The following ADGRL3 variants were observed in gnomAD, a reference collection of about 807,000 sequenced individuals.
ADGRL3 encodes calcium-independent alpha-latrotoxin receptor 3.
In ADGRL3, 62 loss-of-function variants were observed where a neutral mutation model predicts 153.5. The observed-to-expected ratio is 0.40, with a 90% confidence interval of 0.33 to 0.50. The LOEUF (loss-of-function observed/expected upper bound fraction) is 0.50. Among genes scored for constraint, ADGRL3 ranks in the 20% least tolerant of loss-of-function variants. The pLI is 0.47. For synonymous variants in ADGRL3, 710 were observed against 672.5 expected (o/e 1.06, Z -0.86); for missense variants, 1,641 against 1,859.4 (o/e 0.88, Z 2.16).
At chr4:61,334,734 AT>A (rs1315511473) in intron 1 of ADGRL3, among the ~76,000 whole-genome samples, 2 of 152,098 alleles carry the variant, frequency 1.3e-5, no homozygotes, top group East Asian at 3.8e-4. Context: ...TATAATATAT[AT>A]TTTAAAGACT....
intron 1 of ADGRL3, among the ~76,000 whole-genome samples, chr4:61,253,780 A>G (rs752267288): frequency 1.3e-5 from 2 of 152,042 alleles, no homozygotes; most frequent in African/African-American, 2.4e-5. Flanking sequence ...TTGTATTACA[A>G]ATTTATTTCT....
intron 21 of ADGRL3, among the ~76,000 whole-genome samples, chr4:62,027,035 C>T (rs1719047745): frequency 1.3e-5 from 2 of 151,962 alleles, no homozygotes; most frequent in Non-Finnish European, 2.9e-5. Flanking sequence ...CTTTTCTTGA[C>T]ATTGTACTAT....
intron 6 of ADGRL3, among the ~76,000 whole-genome samples, chr4:61,716,425 C>A (rs1319928471): frequency 6.6e-6 from 1 of 152,048 alleles, no homozygotes; most frequent in Non-Finnish European, 1.5e-5. Flanking sequence ...TTGAAGTTTG[C>A]AAGATAAATA....
intron 8 of ADGRL3, among the ~76,000 whole-genome samples, chr4:61,799,883 A>T (rs192352551): frequency 1.8e-4 from 28 of 152,298 alleles, no homozygotes; most frequent in East Asian, 5.8e-4. Context: ...TTAAAAAAAA[A>T]ATATCCTCAC....
chr4:61,463,363 A>C (rs891340716), intron 2 of ADGRL3, among the ~76,000 whole-genome samples: 1 of 152,192 alleles, frequency 6.6e-6, no homozygotes, highest in African/African-American at 2.4e-5. Context: ...TCATGGCAGA[A>C]GGCGAAGGGG....
intron 4 of ADGRL3, among the ~76,000 whole-genome samples, chr4:61,531,305 C>T (rs942938007): frequency 6.6e-6 from 1 of 152,126 alleles, no homozygotes; most frequent in Non-Finnish European, 1.5e-5. Context: ...CTGTTTTCGC[C>T]TAGTCTAACT....
intron 4 of ADGRL3, among the ~76,000 whole-genome samples, chr4:61,566,467 AG>A (rs2098816689): frequency 6.6e-6 from 1 of 152,210 alleles, no homozygotes; most frequent in African/African-American, 2.4e-5. Flanking sequence ...AACACATAAC[AG>A]GAGGGAAAGG....
intron 9 of ADGRL3, among the ~76,000 whole-genome samples, chr4:61,838,252 A>G (rs2097967585): frequency 6.6e-6 from 1 of 152,166 alleles, no homozygotes; most frequent in Non-Finnish European, 1.5e-5. Flanking sequence ...ATATAAAGAT[A>G]AAAATCAAAT....
chr4:61,608,291 A>G (rs751687191), intron 5 of ADGRL3, among the ~76,000 whole-genome samples: 1 of 152,208 alleles, frequency 6.6e-6, no homozygotes, highest in South Asian at 2.1e-4. Context: ...AACATCTAAC[A>G]ATGCTGTTAG....
At chr4:61,524,252 G>A (rs2098547107) in intron 4 of ADGRL3, among the ~76,000 whole-genome samples, 1 of 152,044 alleles carries the variant, frequency 6.6e-6, no homozygotes, top group Non-Finnish European at 1.5e-5. Context: ...AAAAGAAAGG[G>A]CAAGTCAGAT....
At chr4:61,783,473 G>C (rs2097239774) in intron 8 of ADGRL3, among the ~76,000 whole-genome samples, 2 of 152,104 alleles carry the variant, frequency 1.3e-5, no homozygotes, top group Non-Finnish European at 2.9e-5. Flanking sequence ...AGTTAGATTG[G>C]TGATAGGAAA....
chr4:61,616,217 A>G (rs1456805048), intron 5 of ADGRL3, among the ~76,000 whole-genome samples: 2 of 152,198 alleles, frequency 1.3e-5, no homozygotes, highest in African/African-American at 4.8e-5. Context: ...ACTTAGGGAT[A>G]TGTTATTGGA....
intron 17 of ADGRL3, among the ~76,000 whole-genome samples, chr4:61,957,922 C>T (rs2098973596): frequency 6.6e-6 from 1 of 151,920 alleles, no homozygotes; most frequent in Admixed American, 6.6e-5. Flanking sequence ...CTCTTGCTTT[C>T]TATAAAAAAA....
chr4:61,512,438 G>A (rs1028991952), intron 3 of ADGRL3, among the ~76,000 whole-genome samples: 2 of 151,884 alleles, frequency 1.3e-5, no homozygotes, highest in African/African-American at 4.8e-5. Context: ...TCGTCCATAG[G>A]CATTTTTATA....
intron 1 of ADGRL3, among the ~76,000 whole-genome samples, chr4:61,236,162 A>G (rs1225516483): frequency 6.6e-6 from 1 of 151,724 alleles, no homozygotes; most frequent in Non-Finnish European, 1.5e-5. Context: ...GGTGCCCACC[A>G]CTACACCTGG....
rs551112788 is a variant in ADGRL3, at chr4:61,935,127, T to G, written c.2296+104T>G. 58 of 903,482 alleles carry G rather than the reference T, an allele frequency of 6.4e-5. No individual in the cohort carries two copies. The African/African-American group carries it at 9.3e-4, about 15-fold the overall frequency. The allele number at this position is 903,482 out of a possible 1,614,324, so 56.0% of individuals were successfully genotyped here. Reference sequence around the variant, plus strand: ...TCCTAGATATGAGTGATGCTTTATTTCAATGGAGAAAAGTCATTCTTTTTC... The same window carrying G: ...TCCTAGATATGAGTGATGCTTTATTGCAATGGAGAAAAGTCATTCTTTTTC... On this transcript the variant is annotated intron_variant, in intron 14 of 26. Transcript: ENST00000683033.
At chr4:61,408,119 C>A (rs562270358) in intron 2 of ADGRL3, among the ~76,000 whole-genome samples, 1 of 152,028 alleles carries the variant, frequency 6.6e-6, no homozygotes. Context: ...ATGAAGGAAC[C>A]CAGTACTATT....
chr4:61,848,839 T>G (rs922778127), intron 9 of ADGRL3, among the ~76,000 whole-genome samples: 3 of 152,130 alleles, frequency 2.0e-5, no homozygotes, highest in African/African-American at 7.2e-5. Context: ...GTATAAATAA[T>G]ATCCTAATTA....
At chr4:61,372,842 G>A (rs1045339780) in intron 1 of ADGRL3, among the ~76,000 whole-genome samples, 1 of 152,184 alleles carries the variant, frequency 6.6e-6, no homozygotes, top group African/African-American at 2.4e-5. Context: ...CTGCCGCCTT[G>A]CAGTTTGATC....
Sources: gnomAD v4.1 joint callset for allele counts (sites outside exome capture counted in the v4.1 genomes callset) on GRCh38, gnomAD v4.1.1 for gene constraint, MANE v1.5 for transcripts, NCBI Gene and HGNC (gene_info 2026-07-23, HGNC 2026-07-21) for gene names.